Variants in SLC11A2 observed in about 807,000 individuals in gnomAD.
SLC11A2 encodes the protein solute carrier family 11 member 2, also known as natural resistance-associated macrophage protein 2.
In SLC11A2, 38 loss-of-function variants were observed where a neutral mutation model predicts 68.0. That is an observed-to-expected ratio of 0.56 (90% CI 0.43 to 0.73). The LOEUF (loss-of-function observed/expected upper bound fraction) is 0.73. Ranked by LOEUF, SLC11A2 falls within the 30% of genes least tolerant of loss-of-function variation. The probability of loss-of-function intolerance (pLI) is 0.00; values close to 1 mark genes in which losing one functional copy is unlikely to be tolerated. For missense variants in SLC11A2, 517 were observed against 690.5 expected (o/e 0.75, Z 2.82); for synonymous variants, 242 against 250.6 (o/e 0.97, Z 0.32).
At chr12:51,015,630 T>C (rs1943588128) in intron 1 of SLC11A2, among the ~76,000 whole-genome samples, 1 of 152,210 alleles carries the variant, frequency 6.6e-6, no homozygotes, top group African/African-American at 2.4e-5. Flanking sequence ...TCTCCAGGGC[T>C]GTAGCACCAG....
intron 1 of SLC11A2, among the ~76,000 whole-genome samples, chr12:51,021,997 TTCTCCCA>T (rs1267531720): frequency 1.3e-5 from 2 of 152,156 alleles, no homozygotes; most frequent in African/African-American, 2.4e-5. Context: ...ACTCTTCACC[TTCTCCCA>T]TCAGCACTCT....
chr12:51,028,082 G>A, upstream of SLC11A2: 1 of 724,124 alleles, frequency 1.4e-6, no homozygotes, highest in Admixed American at 3.0e-5. Flanking sequence ...CTTTCCTTTG[G>A]CAACTTCTAT....
At chr12:50,996,994 A>G in intron 8 of SLC11A2, 22 bp from the exon 9 acceptor site, 1 of 1,611,022 alleles carries the variant, frequency 6.2e-7, no homozygotes, top group Non-Finnish European at 8.5e-7. Context: ...CATAACAATG[A>G]TTAGCCTTTA....
the SLC11A2 span, among the ~76,000 whole-genome samples, chr12:50,964,249 T>TATATTATTATA: frequency 1.3e-5 from 2 of 152,254 alleles, no homozygotes; most frequent in Non-Finnish European, 2.9e-5. Flanking sequence ...AGATGGTTAT[T>TATATTATTATA]GCTAGTATTA....
At chr12:51,009,139 T>C (rs745896004) in intron 2 of SLC11A2, 4 of 1,518,682 alleles carry the variant, frequency 2.6e-6, no homozygotes, top group East Asian at 2.5e-5. Flanking sequence ...CCGTGGACAT[T>C]ATACCTCCAT....
upstream of SLC11A2, chr12:51,028,327 A>C (rs941601285): frequency 1.3e-6 from 1 of 786,208 alleles, no homozygotes; most frequent in Admixed American, 2.3e-5. Context: ...TGGGTGCTCT[A>C]AGCAACACAG....
chr12:50,953,840 T>C, the SLC11A2 span: 2 of 547,768 alleles, frequency 3.7e-6, no homozygotes, highest in South Asian at 5.1e-5. Context: ...TAGTGAAAAG[T>C]GTGAAGGAAA....
chr12:51,023,234 C>G (rs1203744117), intron 1 of SLC11A2, among the ~76,000 whole-genome samples: 1 of 152,196 alleles, frequency 6.6e-6, no homozygotes, highest in Admixed American at 6.5e-5. Context: ...ATTGCTTGAA[C>G]CTAGGAGTTC....
intron 1 of SLC11A2, among the ~76,000 whole-genome samples, chr12:51,016,736 A>G (rs1429932932): frequency 6.7e-6 from 1 of 148,912 alleles, no homozygotes; most frequent in Non-Finnish European, 1.5e-5. Context: ...AATCCCAGCT[A>G]CTGGGGAGGC....
intron 8 of SLC11A2, among the ~76,000 whole-genome samples, chr12:50,997,476 C>T (rs1330288121): frequency 1.3e-5 from 2 of 151,756 alleles, no homozygotes; most frequent in African/African-American, 4.8e-5. Context: ...CCAAGGCAGG[C>T]GCATTGCTTG....
intron 8 of SLC11A2, among the ~76,000 whole-genome samples, chr12:50,998,871 T>A (rs1377794360): frequency 1.3e-5 from 2 of 152,108 alleles, no homozygotes; most frequent in African/African-American, 2.4e-5. Flanking sequence ...CCTCCTTAAT[T>A]AACACTATCC....
chr12:50,996,366 G>A (rs1231873714), intron 9 of SLC11A2, among the ~76,000 whole-genome samples: 1 of 152,158 alleles, frequency 6.6e-6, no homozygotes, highest in Non-Finnish European at 1.5e-5. Flanking sequence ...CTTGAGCTCA[G>A]GAGTTCGAGA....
At chr12:51,005,532 T>C in intron 3 of SLC11A2, 96 bp from the exon 4 acceptor site, 1 of 1,579,562 alleles carries the variant, frequency 6.3e-7, no homozygotes, top group Non-Finnish European at 8.6e-7. Context: ...AAATCCAGCC[T>C]CACAAGAAAA....
At chr12:50,960,469 A>G in the SLC11A2 span, among the ~76,000 whole-genome samples, 1 of 152,202 alleles carries the variant, frequency 6.6e-6, no homozygotes, top group African/African-American at 2.4e-5. Context: ...ATATGGTTCT[A>G]ATTTTTCTGG....
At chr12:50,966,105 A>T in the SLC11A2 span, among the ~76,000 whole-genome samples, 1 of 152,180 alleles carries the variant, frequency 6.6e-6, no homozygotes, top group African/African-American at 2.4e-5. Context: ...TTTGCTGCCC[A>T]TCACAACAAT....
At chr12:50,975,857 T>C (rs986512651), downstream of SLC11A2, among the ~76,000 whole-genome samples, 1 of 152,152 alleles carries the variant, frequency 6.6e-6, no homozygotes, top group Non-Finnish European at 1.5e-5. Flanking sequence ...GAGAATACTA[T>C]GAACACCCCT....
chr12:51,009,234 G>A lies in SLC11A2; in HGVS notation c.35-610C>T. The A allele has an allele frequency of 3.5e-6, 5 of 1,411,240 alleles. No homozygotes were observed. The South Asian group carries it at 8.4e-5, about 24-fold the overall frequency. The allele number at this position is 1,411,240 out of a possible 1,614,324, so 87.4% of individuals were successfully genotyped here. On this transcript the variant is annotated intron_variant, in intron 2 of 15. Coordinates refer to ENST00000262052, the MANE Select transcript of SLC11A2 (RefSeq NM_000617.3). ...AAGCTGCAGCAAAACCACCAAGCAG[G>A]AACCCTTTGTACTCTGACTAAGGCT...
chr12:51,003,230 G>A (rs1414960538), intron 5 of SLC11A2, among the ~76,000 whole-genome samples: 2 of 151,148 alleles, frequency 1.3e-5, no homozygotes, highest in South Asian at 2.1e-4. Context: ...GTGAAACTCC[G>A]TCTCAAACAA....
At chr12:50,968,367 T>C in the SLC11A2 span, among the ~76,000 whole-genome samples, 1 of 151,890 alleles carries the variant, frequency 6.6e-6, no homozygotes, top group Non-Finnish European at 1.5e-5. Flanking sequence ...TAATCTCCAC[T>C]CCAGTTACAC....
Sources: allele counts gnomAD v4.1 joint callset (sites outside exome capture counted in the v4.1 genomes callset), GRCh38; gene constraint gnomAD v4.1.1; transcripts MANE v1.5; gene names NCBI Gene and HGNC (gene_info 2026-07-23, HGNC 2026-07-21).